The following TENM2 variants were observed in gnomAD, a reference collection of about 807,000 sequenced individuals.
TENM2 encodes the protein teneurin transmembrane protein 2, also known as teneurin-2.
TENM2 carries 52 observed loss-of-function variants against 245.2 expected under a neutral mutation model. That is an observed-to-expected ratio of 0.21 (90% CI 0.17 to 0.27). The LOEUF is 0.27. TENM2 is among the 10% of genes least tolerant of loss of function. The pLI is 1.00. For synonymous variants in TENM2, 1,363 were observed against 1,438.9 expected, an observed-to-expected ratio of 0.95 and a Z score of 1.19; for missense variants, 3,046 against 3,666.8, an observed-to-expected ratio of 0.83 and a Z score of 4.37.
chr5:167,227,077 G>GTCTATATTTTTCTTTAGAGGTAC, the TENM2 span, among the ~76,000 whole-genome samples: 2 of 151,500 alleles, frequency 1.3e-5, no homozygotes, highest in African/African-American at 4.9e-5. Context: ...TCTTTACTGT[G>GTCTATATTTTTCTTTAGAGGTAC]AGTGCATTTC....
intron 2 of TENM2, among the ~76,000 whole-genome samples, chr5:167,773,349 G>A (rs1019525381): frequency 3.3e-5 from 5 of 152,288 alleles, no homozygotes; most frequent in African/African-American, 4.8e-5. Context: ...TTCCTAGGGC[G>A]ATGCTAAATT....
the TENM2 span, among the ~76,000 whole-genome samples, chr5:166,990,596 G>A: frequency 6.6e-6 from 1 of 151,714 alleles, no homozygotes; most frequent in South Asian, 2.1e-4. Flanking sequence ...CTCCAGTTTG[G>A]GGAATTCGGA....
intron 13 of TENM2, among the ~76,000 whole-genome samples, chr5:168,175,495 A>G (rs1325218855): frequency 6.6e-6 from 1 of 152,154 alleles, no homozygotes; most frequent in Non-Finnish European, 1.5e-5. Flanking sequence ...CTTTAGCCAC[A>G]TAGGCTTACA....
chr5:167,493,083 T>G (rs1768541453), intron 2 of TENM2, among the ~76,000 whole-genome samples: 1 of 152,054 alleles, frequency 6.6e-6, no homozygotes, highest in Non-Finnish European at 1.5e-5. Context: ...TAAATAAAAG[T>G]TAGATTTTTT....
chr5:167,918,414 T>C (rs749627972), intron 3 of TENM2, among the ~76,000 whole-genome samples: 11 of 152,162 alleles, frequency 7.2e-5, no homozygotes, highest in Non-Finnish European at 1.2e-4. Context: ...GGGAGGACGG[T>C]GGGACACGTC....
intron 2 of TENM2, among the ~76,000 whole-genome samples, chr5:167,611,610 C>T: frequency 6.6e-6 from 1 of 152,142 alleles, no homozygotes; most frequent in Non-Finnish European, 1.5e-5. Flanking sequence ...ATGGCTTAGT[C>T]TGTTTTGGCT....
intron 1 of TENM2, among the ~76,000 whole-genome samples, chr5:167,354,304 T>G (rs2127236612): frequency 6.6e-6 from 1 of 152,364 alleles, no homozygotes; most frequent in East Asian, 1.9e-4. Context: ...CTCACTGATT[T>G]TATCCAAAAA....
intron 23 of TENM2, among the ~76,000 whole-genome samples, chr5:168,225,489 C>A (rs573931854): frequency 1.3e-5 from 2 of 152,088 alleles, no homozygotes; most frequent in East Asian, 1.9e-4. Context: ...GGGCCAAGTG[C>A]GTGGCTCACG....
chr5:168,155,610 G>A (rs768325508), intron 12 of TENM2, among the ~76,000 whole-genome samples: 30 of 152,198 alleles, frequency 2.0e-4, no homozygotes, highest in Admixed American at 8.5e-4. Flanking sequence ...CTTAGGCTGT[G>A]ACACAATCAC....
intron 2 of TENM2, among the ~76,000 whole-genome samples, chr5:167,399,567 T>C (rs1333940816): frequency 6.6e-6 from 1 of 152,148 alleles, no homozygotes; most frequent in African/African-American, 2.4e-5. Flanking sequence ...GGAGGTGGCA[T>C]AGCACAATAA....
chr5:167,741,523 TCA>T (rs1724746261), intron 2 of TENM2, among the ~76,000 whole-genome samples: 1 of 152,188 alleles, frequency 6.6e-6, no homozygotes, highest in Non-Finnish European at 1.5e-5. Context: ...TGCCTTGGCT[TCA>T]CACACAGTCT....
intron 21 of TENM2, among the ~76,000 whole-genome samples, chr5:168,216,122 A>G (rs565529880): frequency 2.1e-4 from 32 of 152,340 alleles, no homozygotes; most frequent in African/African-American, 7.2e-4. Flanking sequence ...GCAGCAGGGC[A>G]GCATGGATTA....
At chr5:168,189,224 T>C (rs969357248) in intron 13 of TENM2, among the ~76,000 whole-genome samples, 2 of 152,216 alleles carry the variant, frequency 1.3e-5, no homozygotes, top group African/African-American at 4.8e-5. Flanking sequence ...GTTTTCAACA[T>C]TGAACTTCGA....
chr5:167,464,888 G>A (rs1465150627), intron 2 of TENM2, among the ~76,000 whole-genome samples: 1 of 152,192 alleles, frequency 6.6e-6, no homozygotes, highest in African/African-American at 2.4e-5. Flanking sequence ...TGTTGAAAAT[G>A]TGCTGAACTA....
chr5:167,399,528 T>A (rs1199253545), intron 2 of TENM2, among the ~76,000 whole-genome samples: 1 of 152,164 alleles, frequency 6.6e-6, no homozygotes, highest in Admixed American at 6.5e-5. Flanking sequence ...GTAATTCACA[T>A]CCTCAGAAGA....
At position 168,206,760 on chromosome 5, in the gene TENM2, A is replaced by G. The variant is rs550177355; in HGVS notation, c.3824+2139A>G. Among the ~76,000 whole-genome samples, 86 of 152,266 alleles carry G rather than the reference A, an allele frequency of 5.6e-4. 1 individual carries two copies. The highest frequency in any genetic ancestry group is 5.8e-4 in the East Asian group (3 of 5,166). ...GGCACCCTGTGGGCAACAGAGAACC[A>G]TGGGAGAAGACAGGGTAGGGTGGAG... On this transcript the variant is annotated intron_variant, in intron 19 of 28. Transcript: ENST00000518659.
chr5:168,048,396 A>G lies in TENM2; in HGVS notation c.1309+847A>G, dbSNP rs536382669. Among the ~76,000 whole-genome samples the G allele has an allele frequency of 6.6e-5, 10 of 152,336 alleles. No individual in the cohort carries two copies. The East Asian group carries it at 1.5e-3, about 23-fold the overall frequency. On this transcript the variant is annotated intron_variant, in intron 6 of 28. Coordinates refer to ENST00000518659, the Ensembl canonical transcript of TENM2. ...ATTTCCATTCTGCCTTTTAGCATCTATAGCCACTTCACCCCCACATTTCGG... is the reference window on the plus strand; with the variant it reads ...ATTTCCATTCTGCCTTTTAGCATCTGTAGCCACTTCACCCCCACATTTCGG...
At chr5:167,331,262 A>G (rs1757447242) in intron 1 of TENM2, among the ~76,000 whole-genome samples, 1 of 151,558 alleles carries the variant, frequency 6.6e-6, no homozygotes, top group African/African-American at 2.4e-5. Context: ...AAGACAAGAA[A>G]AAAGAAAGAA....
the TENM2 span, among the ~76,000 whole-genome samples, chr5:166,987,568 T>A: frequency 1.3e-5 from 2 of 151,900 alleles, no homozygotes; most frequent in Admixed American, 6.6e-5. Context: ...ATAACAGACA[T>A]GATTAAGTAA....
Sources: allele counts gnomAD v4.1 joint callset (sites outside exome capture counted in the v4.1 genomes callset), GRCh38; gene constraint gnomAD v4.1.1; transcripts MANE v1.5; gene names NCBI Gene and HGNC (gene_info 2026-07-23, HGNC 2026-07-21).